STAU2: variants seen among roughly 807,000 people sequenced by gnomAD.
STAU2 encodes staufen double-stranded RNA binding protein 2.
Under a neutral mutation model 65.9 loss-of-function variants are expected in STAU2, and 20 were observed. The observed-to-expected ratio is 0.30, with a 90% CI of 0.21 to 0.44. The LOEUF (loss-of-function observed/expected upper bound fraction) is 0.44. STAU2 is among the 20% of genes least tolerant of loss of function. The pLI is 1.00. For missense variants in STAU2, 558 were observed against 683.9 expected (o/e 0.82, Z 2.05); for synonymous variants, 232 against 233.9 (o/e 0.99, Z 0.07).
intron 12 of STAU2, among the ~76,000 whole-genome samples, chr8:73,570,210 G>T (rs912097335): frequency 6.6e-6 from 1 of 152,196 alleles, no homozygotes; most frequent in African/African-American, 2.4e-5. Flanking sequence ...GGAAGTAAGG[G>T]TATCAGTGAT....
chr8:73,436,005 C>T (rs1243581062), intron 13 of STAU2, among the ~76,000 whole-genome samples: 3 of 151,926 alleles, frequency 2.0e-5, no homozygotes, highest in Non-Finnish European at 2.9e-5. Flanking sequence ...CTTTGATATT[C>T]GACTCCAACA....
At chr8:73,483,143 A>C (rs1820727964) in intron 13 of STAU2, among the ~76,000 whole-genome samples, 1 of 152,146 alleles carries the variant, frequency 6.6e-6, no homozygotes, top group African/African-American at 2.4e-5. Context: ...TAGCATAAAA[A>C]TGGAGTTACA....
intron 3 of STAU2, among the ~76,000 whole-genome samples, chr8:73,737,275 A>C (rs1020092317): frequency 4.0e-5 from 6 of 151,270 alleles, no homozygotes; most frequent in Non-Finnish European, 8.8e-5. Context: ...GGTTCAAGTG[A>C]TTCTCCTGCC....
intron 12 of STAU2, among the ~76,000 whole-genome samples, chr8:73,557,362 C>G (rs1807868515): frequency 6.6e-6 from 1 of 152,162 alleles, no homozygotes; most frequent in South Asian, 2.1e-4. Context: ...TGACTTTTAA[C>G]TTGAACATCA....
chr8:73,563,099 T>TAC (rs1195116282), intron 12 of STAU2, among the ~76,000 whole-genome samples: 1 of 152,132 alleles, frequency 6.6e-6, no homozygotes, highest in African/African-American at 2.4e-5. Context: ...TCCAGCCAAA[T>TAC]ACACACAAAA....
intron 13 of STAU2, among the ~76,000 whole-genome samples, chr8:73,464,067 C>T (rs902149314): frequency 1.3e-5 from 2 of 152,192 alleles, no homozygotes; most frequent in African/African-American, 4.8e-5. Context: ...CAACAGTTTA[C>T]AATGGGCCTG....
At chr8:73,525,429 C>A (rs1031207289) in intron 13 of STAU2, among the ~76,000 whole-genome samples, 1 of 152,072 alleles carries the variant, frequency 6.6e-6, no homozygotes, top group African/African-American at 2.4e-5. Context: ...GAGGAAGAGG[C>A]ACTTTTTTTT....
At chr8:73,558,196 G>A (rs1456997339) in intron 12 of STAU2, among the ~76,000 whole-genome samples, 1 of 152,136 alleles carries the variant, frequency 6.6e-6, no homozygotes, top group East Asian at 1.9e-4. Context: ...AACCCCTAAG[G>A]CTTAAATCCA....
intron 6 of STAU2, among the ~76,000 whole-genome samples, chr8:73,669,597 T>A (rs1307472701): frequency 1.3e-5 from 2 of 151,866 alleles, no homozygotes; most frequent in Admixed American, 6.6e-5. Flanking sequence ...CCAGGCACAC[T>A]TCTACTGCGG....
intron 6 of STAU2, among the ~76,000 whole-genome samples, chr8:73,621,356 C>G (rs56113934): frequency 2.6e-5 from 4 of 151,992 alleles, no homozygotes. Flanking sequence ...CATCCTGAGG[C>G]CTCCCCAGCC....
chr8:73,604,121 T>C (rs1441555362), intron 9 of STAU2, among the ~76,000 whole-genome samples: 2 of 152,226 alleles, frequency 1.3e-5, no homozygotes, highest in Admixed American at 1.3e-4. Context: ...CTCTTCAGTA[T>C]ACCAGAGGTG....
chr8:73,499,812 CA>C (rs1821636363), intron 13 of STAU2, among the ~76,000 whole-genome samples: 1 of 151,706 alleles, frequency 6.6e-6, no homozygotes, highest in African/African-American at 2.4e-5. Context: ...AGATAGAAAC[CA>C]GTGAGAAAAC....
intron 13 of STAU2, among the ~76,000 whole-genome samples, chr8:73,424,221 G>C (rs893540730): frequency 3.9e-5 from 1 of 25,828 alleles, no homozygotes; most frequent in South Asian, 1.3e-3. Flanking sequence ...TTTTTTTTTT[G>C]ACTGAGTCTT....
At chr8:73,535,598 C>G (rs1358862677) in intron 13 of STAU2, among the ~76,000 whole-genome samples, 1 of 152,174 alleles carries the variant, frequency 6.6e-6, no homozygotes, top group Non-Finnish European at 1.5e-5. Context: ...AAAGAAAACA[C>G]TAAGTGATTC....
At chr8:73,570,099 A>G (rs2128955136) in intron 12 of STAU2, among the ~76,000 whole-genome samples, 1 of 152,360 alleles carries the variant, frequency 6.6e-6, no homozygotes, top group Non-Finnish European at 1.5e-5. Context: ...TAACTAGAAT[A>G]AACAGTGTAG....
intron 13 of STAU2, among the ~76,000 whole-genome samples, chr8:73,500,024 G>A (rs1048450708): frequency 2.6e-5 from 4 of 151,688 alleles, no homozygotes; most frequent in Admixed American, 6.6e-5. Flanking sequence ...AAGAGGTGAG[G>A]TCATCACTGA....
chr8:73,509,017 C>T (rs768260497), intron 13 of STAU2, among the ~76,000 whole-genome samples: 4 of 152,214 alleles, frequency 2.6e-5, no homozygotes, highest in African/African-American at 4.8e-5. Context: ...GTAGATACTT[C>T]GAGTGAAATT....
At chr8:73,721,287 C>CAAAAAA (rs35721754) in intron 3 of STAU2, among the ~76,000 whole-genome samples, 216 of 12,462 alleles carry the variant, frequency 0.017, 34 homozygotes, top group African/African-American at 0.066. Context: ...ACCCCACCTC[C>CAAAAAA]AAAAAAAAAA....
At chr8:73,729,301 C>G (rs1219355666) in intron 3 of STAU2, among the ~76,000 whole-genome samples, 1 of 152,098 alleles carries the variant, frequency 6.6e-6, no homozygotes, top group Non-Finnish European at 1.5e-5. Flanking sequence ...CTGCTAGATT[C>G]AGTTTGCTAG....
Sources: gnomAD v4.1 joint callset for allele counts (sites outside exome capture counted in the v4.1 genomes callset) on GRCh38, gnomAD v4.1.1 for gene constraint, MANE v1.5 for transcripts, NCBI Gene and HGNC (gene_info 2026-07-23, HGNC 2026-07-21) for gene names.